RABEP1: variants seen among roughly 807,000 people sequenced by gnomAD.
The protein encoded by RABEP1 is rabaptin, RAB GTPase binding effector protein 1, also known as rab GTPase-binding effector protein 1.
RABEP1 carries 51 observed loss-of-function variants against 123.4 expected under a neutral mutation model. That is an observed-to-expected ratio of 0.41 (90% CI 0.33 to 0.52). The LOEUF is 0.52. Ranked by LOEUF, RABEP1 falls within the 20% of genes least tolerant of loss-of-function variation. The pLI, the probability that RABEP1 is intolerant of heterozygous loss-of-function variation, is 0.16. For missense variants in RABEP1, 888 were observed against 996.3 expected, an observed-to-expected ratio of 0.89 and a Z score of 1.46; for synonymous variants, 347 against 355.2, an observed-to-expected ratio of 0.98 and a Z score of 0.26.
intron 8 of RABEP1, among the ~76,000 whole-genome samples, chr17:5,359,183 C>T (rs1486378021): frequency 1.3e-5 from 2 of 151,964 alleles, no homozygotes; most frequent in African/African-American, 4.8e-5. Context: ...ACGCCATTCT[C>T]CTTCCTCAGC....
At chr17:5,293,251 C>T (rs2075049607) in intron 1 of RABEP1, among the ~76,000 whole-genome samples, 1 of 152,068 alleles carries the variant, frequency 6.6e-6, no homozygotes, top group African/African-American at 2.4e-5. Context: ...TGCACCATTG[C>T]ACTCCAGCCT....
chr17:5,284,302 C>T (rs2074956556), intron 1 of RABEP1, among the ~76,000 whole-genome samples: 1 of 152,126 alleles, frequency 6.6e-6, no homozygotes, highest in Admixed American at 6.6e-5. Context: ...TTTCCTATTT[C>T]TCAAATCTTG....
chr17:5,282,570 G>A, intron 1 of RABEP1, 50 bp downstream of exon 1: 14 of 1,116,910 alleles, frequency 1.3e-5, no homozygotes, highest in East Asian at 3.8e-5. Flanking sequence ...GCCCGGCGTC[G>A]GCGTCGCGGG....
At position 5,287,613 on chromosome 17, in the gene RABEP1, A is replaced by C. The variant is rs1597321766; in HGVS notation, c.34+5093A>C. On this transcript the variant is annotated intron_variant, in intron 1 of 17. Coordinates refer to ENST00000537505, the MANE Select transcript of RABEP1 (RefSeq NM_004703.6). ...GACTCTGTCGCAAAAAAAAAAAAAAAAAAAAAAAAACCCAAAACACTGAGC... is the reference window on the plus strand; with the variant it reads ...GACTCTGTCGCAAAAAAAAAAAAAACAAAAAAAAAACCCAAAACACTGAGC... Among the ~76,000 whole-genome samples, 11 of 148,124 alleles carry C rather than the reference A, an allele frequency of 7.4e-5. No individual in the cohort carries two copies. In the South Asian group the frequency reaches 2.3e-3, roughly 31 times the overall value.
Position 5,350,456 on chromosome 17 carries a change from C to A in RABEP1, c.790C>A (p.His264Asn). 1 of 1,608,834 alleles carries A rather than the reference C, an allele frequency of 6.2e-7. No individual in the cohort carries two copies. The highest frequency in any genetic ancestry group is 1.1e-5 in the South Asian group (1 of 89,866). Residue 264 changes from histidine (H) to asparagine (N), a missense_variant, in exon 7 of 18, where the codon CAT (histidine) becomes AAT (asparagine). His to Asn is a moderately conservative substitution (Grantham distance 68). Coordinates refer to ENST00000537505, the MANE Select transcript of RABEP1 (RefSeq NM_004703.6). ...KLRKELHEVC[H>N]LLEQERQQHN... ...GTGGGGGGGTTCCTAAACAGTTTGC[C>A]ATCTCTTGGAGCAAGAGCGACAACA...
chr17:5,308,316 C>T (rs1418673774), intron 1 of RABEP1, among the ~76,000 whole-genome samples: 1 of 151,472 alleles, frequency 6.6e-6, no homozygotes, highest in African/African-American at 2.4e-5. Flanking sequence ...ACCTCCGCCT[C>T]CCGGGTTCAA....
chr17:5,350,558 A>G lies in RABEP1; in HGVS notation c.892A>G (p.Met298Val), dbSNP rs1908451449. ...ATCTCAGCGTTTACTGATGAGAGAC[A>G]TGCAGCGAATGGAGATTGTGCTAAC... ...LESQRLLMRD[M>V]QRMEIVLTSE... is the part of the protein sequence containing the mutation. Residue 298 changes from methionine to valine, a missense_variant, in exon 7 of 18, where the codon ATG becomes GTG. Met to Val is a conservative substitution (Grantham distance 21, BLOSUM62 1). Coordinates refer to ENST00000537505, the MANE Select transcript of RABEP1 (RefSeq NM_004703.6). 3 of 1,614,100 alleles carry G rather than the reference A, an allele frequency of 1.9e-6. No homozygotes were observed. The highest frequency in any genetic ancestry group is 1.1e-5 in the South Asian group (1 of 91,084).
intron 2 of RABEP1, among the ~76,000 whole-genome samples, chr17:5,331,517 T>TA (rs1348529964): frequency 1.3e-5 from 2 of 152,220 alleles, no homozygotes; most frequent in East Asian, 1.9e-4. Flanking sequence ...AACATACGTC[T>TA]AGTCACTGCC....
At chr17:5,342,792 A>G (rs1907726099) in intron 5 of RABEP1, among the ~76,000 whole-genome samples, 3 of 152,196 alleles carry the variant, frequency 2.0e-5, no homozygotes, top group African/African-American at 4.8e-5. Context: ...TGGCCTACCT[A>G]CCAGATAGCA....
chr17:5,344,452 C>T (rs949779881), intron 5 of RABEP1, among the ~76,000 whole-genome samples: 12 of 151,726 alleles, frequency 7.9e-5, no homozygotes, highest in African/African-American at 2.9e-4. Context: ...TTGCCAAGTC[C>T]ACAAGTGACA....
chr17:5,351,621 C>T (rs1908558963), intron 7 of RABEP1, among the ~76,000 whole-genome samples: 1 of 152,108 alleles, frequency 6.6e-6, no homozygotes, highest in Non-Finnish European at 1.5e-5. Context: ...TATAGTGAGA[C>T]TCTGTTTCTA....
intron 15 of RABEP1, 94 bp from the exon 16 acceptor site, chr17:5,380,270 C>G: frequency 1.3e-6 from 1 of 770,892 alleles, no homozygotes; most frequent in South Asian, 1.8e-5. Flanking sequence ...GCCCGAGTGT[C>G]TTGGTGTAAT....
At chr17:5,336,118 T>G (rs753505845) in intron 4 of RABEP1, among the ~76,000 whole-genome samples, 6 of 152,250 alleles carry the variant, frequency 3.9e-5, no homozygotes, top group Non-Finnish European at 7.3e-5. Flanking sequence ...AACTTTTACA[T>G]TATTTTATAT....
intron 2 of RABEP1, among the ~76,000 whole-genome samples, chr17:5,315,667 A>G (rs2075288173): frequency 6.6e-6 from 1 of 152,162 alleles, no homozygotes; most frequent in Admixed American, 6.5e-5. Context: ...CCTGGTCAAC[A>G]TGATGAAACC....
chr17:5,300,376 C>T (rs1346712535), intron 1 of RABEP1, among the ~76,000 whole-genome samples: 3 of 152,114 alleles, frequency 2.0e-5, no homozygotes, highest in African/African-American at 4.8e-5. Context: ...ACTGACATAG[C>T]GTCTTGGGAG....
At chr17:5,348,714 CCAT>C (rs1340643341) in intron 6 of RABEP1, among the ~76,000 whole-genome samples, 11 of 152,190 alleles carry the variant, frequency 7.2e-5, no homozygotes, top group Admixed American at 6.5e-4. Context: ...ATGCCCACCA[CCAT>C]GCCTGGCTAA....
intron 7 of RABEP1, among the ~76,000 whole-genome samples, chr17:5,353,514 A>G (rs1311011912): frequency 6.6e-6 from 1 of 152,178 alleles, no homozygotes. Flanking sequence ...TTGTATTCAT[A>G]TACATTTGTT....
At chr17:5,341,266 G>T (rs1907580179) in intron 5 of RABEP1, among the ~76,000 whole-genome samples, 1 of 152,180 alleles carries the variant, frequency 6.6e-6, no homozygotes, top group African/African-American at 2.4e-5. Context: ...GGGCAAGGGA[G>T]CCTGTCTTAA....
In RABEP1 at chr17:5,381,487, G is replaced by C. The variant is rs1597303982; in HGVS notation, c.2469G>C (p.Lys823Asn). Residue 823 changes from lysine (K) to asparagine (N), a missense_variant, in exon 17 of 18, where the codon AAG becomes AAC. Lys to Asn is a moderately conservative substitution (Grantham distance 94). Transcript: ENST00000537505. ...VSEQVQRDFVKLSQTLQVQLE... is the reference protein window; with the variant it reads ...VSEQVQRDFVNLSQTLQVQLE... ...AGCAAGTCCAGAGGGATTTTGTAAA[G>C]CTTTCACAGACCCTTCAGGTGAGGC... 6.2e-7 allele frequency: 1 copy of C among 1,613,426 alleles called. No individual in the cohort carries two copies. The highest frequency in any genetic ancestry group is 8.5e-7 in the Non-Finnish European group (1 of 1,179,722).
Sources: allele counts gnomAD v4.1 joint callset (sites outside exome capture counted in the v4.1 genomes callset), GRCh38; gene constraint gnomAD v4.1.1; transcripts MANE v1.5; gene names NCBI Gene and HGNC (gene_info 2026-07-23, HGNC 2026-07-21).